The following DAGLA variants were observed in gnomAD, a reference collection of about 807,000 sequenced individuals.
DAGLA encodes the protein diacylglycerol lipase alpha, also known as diacylglycerol lipase-alpha.
In DAGLA, 22 loss-of-function variants were observed where a neutral mutation model predicts 102.6. That is an observed-to-expected ratio of 0.21 (90% confidence interval 0.15 to 0.31). The LOEUF (loss-of-function observed/expected upper bound fraction) is 0.31, where lower values mean the gene tolerates loss of function less well. Among genes scored for constraint, DAGLA ranks in the 10% least tolerant of loss-of-function variants. DAGLA has a pLI of 1.00. For missense variants in DAGLA, 927 were observed against 1,446.6 expected, an observed-to-expected ratio of 0.64 and a Z score of 5.83; for synonymous variants, 578 against 628.9, an observed-to-expected ratio of 0.92 and a Z score of 1.21.
At chr11:61,706,801 T>C (rs1393640668) in intron 1 of DAGLA, among the ~76,000 whole-genome samples, 1 of 152,104 alleles carries the variant, frequency 6.6e-6, no homozygotes, top group Non-Finnish European at 1.5e-5. Flanking sequence ...CATTATCAGA[T>C]TGCCTCCCCA....
intron 16 of DAGLA, 138 bp downstream of exon 16, chr11:61,738,345 C>T: frequency 5.9e-6 from 4 of 676,296 alleles, no homozygotes; most frequent in Non-Finnish European, 1.0e-5. Context: ...GTTGTGGGAA[C>T]TTCAGGAAGT....
chr11:61,702,088 A>T (rs552494796), intron 1 of DAGLA, among the ~76,000 whole-genome samples: 38 of 152,056 alleles, frequency 2.5e-4, no homozygotes, highest in Admixed American at 3.9e-4. Flanking sequence ...ATTAAAAAAA[A>T]TTTTTTTTGT....
rs2135619100 is a variant in DAGLA at position 61,744,905 on chromosome 11, A to C, written c.*416A>C. ...AGTGCCCCCCGACACATGTATTCTC[A>C]TCTGTGGTCCAGGCCGGCATCGTCC... is the stretch of plus-strand genomic sequence containing the variant. On this transcript the variant is annotated 3_prime_UTR_variant, in exon 20 of 20. Coordinates refer to ENST00000257215, the MANE Select transcript of DAGLA (RefSeq NM_006133.3). The C allele has an allele frequency of 5.6e-6, 1 of 177,522 alleles. No individual in the cohort carries two copies. The highest frequency in any genetic ancestry group is 1.2e-5 in the Non-Finnish European group (1 of 83,474). 11.0% of individuals were successfully genotyped at this position (177,522 alleles called of 1,614,324 possible).
At chr11:61,704,947 C>T (rs2065137412) in intron 1 of DAGLA, among the ~76,000 whole-genome samples, 1 of 152,166 alleles carries the variant, frequency 6.6e-6, no homozygotes, top group Non-Finnish European at 1.5e-5. Flanking sequence ...GCAGAGCCCA[C>T]TGACTGCTCC....
intron 16 of DAGLA, among the ~76,000 whole-genome samples, chr11:61,738,571 C>CT (rs1429233263): frequency 6.6e-6 from 1 of 152,256 alleles, no homozygotes; most frequent in African/African-American, 2.4e-5. Context: ...GGAAAGGCCT[C>CT]TGCCGAAGCC....
intron 9 of DAGLA, among the ~76,000 whole-genome samples, chr11:61,732,387 T>C (rs1041086071): frequency 7.2e-5 from 11 of 152,178 alleles, no homozygotes; most frequent in African/African-American, 2.7e-4. Context: ...CCCATCTTTG[T>C]CAGCTGCATG....
chr11:61,703,739 T>C (rs1196125146), intron 1 of DAGLA, among the ~76,000 whole-genome samples: 5 of 152,088 alleles, frequency 3.3e-5, no homozygotes, highest in Non-Finnish European at 1.5e-5. Context: ...GGTGCAGCTA[T>C]GGGGTGATCC....
intron 12 of DAGLA, 147 bp downstream of exon 12, chr11:61,735,963 C>T (rs544179063): frequency 1.5e-4 from 120 of 807,676 alleles, no homozygotes; most frequent in East Asian, 2.7e-4. Flanking sequence ...CTGGAAGGCC[C>T]GTTGCGGCCC....
intron 5 of DAGLA, among the ~76,000 whole-genome samples, chr11:61,724,712 G>A: frequency 6.6e-6 from 1 of 152,142 alleles, no homozygotes. Flanking sequence ...GGGAGCCAAG[G>A]CCCCAAAGCC....
chr11:61,723,060 G>C, intron 4 of DAGLA, 100 bp downstream of exon 4: 2 of 981,830 alleles, frequency 2.0e-6, no homozygotes, highest in Non-Finnish European at 3.2e-6. Context: ...CCAGAGGGCA[G>C]TGCCTTCTGT....
At chr11:61,708,433 T>A (rs1393234541) in intron 1 of DAGLA, among the ~76,000 whole-genome samples, 1 of 152,042 alleles carries the variant, frequency 6.6e-6, no homozygotes, top group Non-Finnish European at 1.5e-5. Flanking sequence ...CAGGCTTGAG[T>A]GCAGTGGCGT....
intron 19 of DAGLA, 64 bp from the exon 20 acceptor site, chr11:61,743,468 A>C (rs2065500115): frequency 6.0e-6 from 8 of 1,335,276 alleles, no homozygotes; most frequent in African/African-American, 1.5e-5. Flanking sequence ...TTAGCCAGGG[A>C]GCTGGGGTTC....
At chr11:61,708,530 G>A (rs1235166222) in intron 1 of DAGLA, among the ~76,000 whole-genome samples, 3 of 151,898 alleles carry the variant, frequency 2.0e-5, no homozygotes, top group Non-Finnish European at 4.4e-5. Context: ...ACAGGCTCCC[G>A]CCATCATGCC....
intron 1 of DAGLA, among the ~76,000 whole-genome samples, chr11:61,688,454 G>A (rs2065002195): frequency 6.6e-6 from 1 of 152,196 alleles, no homozygotes; most frequent in South Asian, 2.1e-4. Flanking sequence ...CCCCAGCCCG[G>A]CAGATGAATT....
rs183724686 is a variant in DAGLA at position 61,684,093 on chromosome 11, G to A, written c.-45+3589G>A. Among the ~76,000 whole-genome samples the A allele has an allele frequency of 3.3e-5, 5 of 152,316 alleles. No homozygotes were observed. In the East Asian group the frequency reaches 7.7e-4, roughly 24 times the overall value. ...ATGCTGGACCAGAGCTGACAGCAGC[G>A]GGCCAGAAGGCTGCAGCTGAAGGCA... On this transcript the variant is annotated intron_variant, in intron 1 of 19. Coordinates refer to ENST00000257215, the MANE Select transcript of DAGLA (RefSeq NM_006133.3). The surrounding 1 kb of genome is among the most constrained non-coding windows in gnomAD (Gnocchi z 4.5).
intron 6 of DAGLA, among the ~76,000 whole-genome samples, chr11:61,726,855 G>A (rs4963243): frequency 0.11 from 17,209 of 152,292 alleles, 1,306 homozygotes; most frequent in East Asian, 0.27. Flanking sequence ...CTGGTGAGCC[G>A]TAGAGTGAGT....
chr11:61,683,013 C>T (rs992848372), intron 1 of DAGLA, among the ~76,000 whole-genome samples: 2 of 152,202 alleles, frequency 1.3e-5, no homozygotes, highest in African/African-American at 4.8e-5. Flanking sequence ...CTGCACAGTG[C>T]TTTGCTCTCT....
At chr11:61,688,194 A>C (rs2064999822) in intron 1 of DAGLA, among the ~76,000 whole-genome samples, 1 of 151,864 alleles carries the variant, frequency 6.6e-6, no homozygotes, top group African/African-American at 2.4e-5. Flanking sequence ...GGGTGCCTGT[A>C]GTCCCAGCTA....
chr11:61,736,433 G>A, intron 13 of DAGLA, 83 bp downstream of exon 13: 3 of 1,147,354 alleles, frequency 2.6e-6, no homozygotes. Context: ...AGGATGGATG[G>A]GTGATGGAGC....
Sources: allele counts gnomAD v4.1 joint callset (sites outside exome capture counted in the v4.1 genomes callset), GRCh38; gene constraint gnomAD v4.1.1; non-coding constraint Gnocchi (gnomAD v3.1); transcripts MANE v1.5; gene names NCBI Gene and HGNC (gene_info 2026-07-23, HGNC 2026-07-21).